Variants in SNX31 observed in about 807,000 individuals in gnomAD.
SNX31 encodes the protein sorting nexin-31.
A neutral mutation model predicts 65.4 loss-of-function variants in SNX31; 58 were observed. That is an observed-to-expected ratio of 0.89 (90% CI 0.72 to 1.10). The LOEUF is 1.10. Among genes scored for constraint, SNX31 ranks in the 50% least tolerant of loss-of-function variants. The pLI is 0.00. For missense variants in SNX31, 523 were observed against 529.7 expected (o/e 0.99, Z 0.12); for synonymous variants, 181 against 190.1 (o/e 0.95, Z 0.39).
rs923272738 is a variant in SNX31, at chr8:100,657,637, G to A, written c.-58+5505C>T. 1.3e-5 allele frequency: 6 copies of A among 455,914 alleles called. No individual in the cohort carries two copies. In the East Asian group the frequency reaches 3.5e-4, roughly 26 times the overall value. 28.2% of individuals were successfully genotyped at this position (455,914 alleles called of 1,614,324 possible). On this transcript the variant is annotated intron_variant, in intron 1 of 5. Coordinates refer to the SNX31 transcript ENST00000520352. The stretch of plus-strand genomic sequence containing the variant: ...GTGTGGGAAGGAGGTCCAGCTGGAG[G>A]GCTTGGGAGCCAGTCTGAAGTGGAG...
At chr8:100,595,418 C>A (rs997468387) in intron 10 of SNX31, among the ~76,000 whole-genome samples, 2 of 151,738 alleles carry the variant, frequency 1.3e-5, no homozygotes, top group African/African-American at 2.4e-5. Flanking sequence ...AAGAGATCCT[C>A]CCACCTCAGC....
At chr8:100,600,714 T>C (rs1815546372) in intron 8 of SNX31, among the ~76,000 whole-genome samples, 1 of 152,174 alleles carries the variant, frequency 6.6e-6, no homozygotes, top group Non-Finnish European at 1.5e-5. Flanking sequence ...TTTAAATGTA[T>C]AAGACCATAA....
intron 2 of SNX31, among the ~76,000 whole-genome samples, chr8:100,641,597 C>CATATATAT (rs1184821257): frequency 0.029 from 449 of 15,740 alleles, 3 homozygotes; most frequent in Non-Finnish European, 0.036. Flanking sequence ...TATATATATA[C>CATATATAT]ACATACACAC....
Position 100,574,467 on chromosome 8 carries a change from A to G in SNX31, c.1228-507T>C, listed in dbSNP as rs77746959. On this transcript the variant is annotated intron_variant, in intron 13 of 13. Coordinates refer to ENST00000311812, the MANE Select transcript of SNX31 (RefSeq NM_152628.4). ...GCCAACGTGGTGAAACCCCATCTCT[A>G]ATAAAATACAAAAAAATTAGCTAGG... 6.7e-4 allele frequency among the ~76,000 whole-genome samples: 102 copies of G among 152,210 alleles called. 1 individual carries two copies. The East Asian group carries it at 0.019, about 28-fold the overall frequency.
intron 2 of SNX31, among the ~76,000 whole-genome samples, chr8:100,643,115 TGGG>T (rs35943187): frequency 6.6e-6 from 1 of 151,508 alleles, no homozygotes; most frequent in African/African-American, 2.4e-5. Context: ...CACTTGAACT[TGGG>T]GGGGGTGGAG....
chr8:100,611,474 A>G (rs959222801), intron 7 of SNX31, among the ~76,000 whole-genome samples: 1 of 152,106 alleles, frequency 6.6e-6, no homozygotes, highest in Non-Finnish European at 1.5e-5. Context: ...TTTACCTGAG[A>G]CTACTGATAG....
chr8:100,655,067 C>T (rs181340930), intron 1 of SNX31, among the ~76,000 whole-genome samples: 474 of 152,152 alleles, frequency 3.1e-3, no homozygotes, highest in African/African-American at 0.011. Context: ...TTACAACAAC[C>T]TTACTGCCTA....
intron 2 of SNX31, among the ~76,000 whole-genome samples, chr8:100,641,640 ATATATATATATATATATATG>A (rs1334811327): frequency 0.35 from 37,440 of 105,938 alleles, 8,231 homozygotes; most frequent in East Asian, 0.46. Context: ...ATATATATAT[ATATATATATATATATATATG>A]TATGGTACTT....
At chr8:100,632,813 T>A (rs189252233) in intron 3 of SNX31, among the ~76,000 whole-genome samples, 424 of 152,076 alleles carry the variant, frequency 2.8e-3, no homozygotes, top group African/African-American at 9.8e-3. Flanking sequence ...CTCAGGTTGG[T>A]CTCAAATTCC....
At chr8:100,589,061 C>T (rs1170120122) in intron 10 of SNX31, 82 bp from the exon 11 acceptor site, 3 of 1,061,118 alleles carry the variant, frequency 2.8e-6, no homozygotes, top group Middle Eastern at 2.3e-4. Flanking sequence ...ACCTGAAATC[C>T]CAGCTGAGGC....
intron 2 of SNX31, among the ~76,000 whole-genome samples, chr8:100,644,386 C>T (rs1015253633): frequency 3.3e-5 from 5 of 152,194 alleles, no homozygotes; most frequent in African/African-American, 9.7e-5. Context: ...AAATGTTTCC[C>T]TCACAGATTT....
chr8:100,634,158 T>C (rs533683358), intron 3 of SNX31, among the ~76,000 whole-genome samples: 10 of 152,324 alleles, frequency 6.6e-5, no homozygotes, highest in East Asian at 1.9e-4. Flanking sequence ...GACAGCCTAA[T>C]CTTGCCAACA....
At chr8:100,642,058 G>A (rs1404910512) in intron 2 of SNX31, among the ~76,000 whole-genome samples, 1 of 146,280 alleles carries the variant, frequency 6.8e-6, no homozygotes, top group Non-Finnish European at 1.5e-5. Flanking sequence ...CAGCCTGGGC[G>A]ACAGAGCGAG....
chr8:100,633,614 G>A (rs1358456509), intron 3 of SNX31, among the ~76,000 whole-genome samples: 2 of 151,568 alleles, frequency 1.3e-5, no homozygotes, highest in Non-Finnish European at 2.9e-5. Flanking sequence ...CATGTAGGCC[G>A]GGCTGGTCTT....
intron 12 of SNX31, among the ~76,000 whole-genome samples, chr8:100,580,479 TGCA>T (rs1813398679): frequency 6.6e-6 from 1 of 152,184 alleles, no homozygotes; most frequent in Non-Finnish European, 1.5e-5. Flanking sequence ...CAGACTCCCT[TGCA>T]GCTAGGTGTG....
At position 100,577,061 on chromosome 8, in the gene SNX31, C is replaced by T. The variant is rs149337394; in HGVS notation, c.1185G>A (p.Pro395=). 138 of 1,613,622 alleles carry T rather than the reference C, an allele frequency of 8.6e-5. No homozygotes were observed. The African/African-American group carries it at 1.1e-3, about 13-fold the overall frequency. Residue 395 remains proline (P), a synonymous_variant, in exon 13 of 14, where the codon CCG becomes CCA. Transcript: ENST00000311812. ...AENTEMQIEV[P]EQSKSKKYHI... The stretch of plus-strand genomic sequence containing the variant: ...GGTATTTTTTACTTTTGCTTTGTTC[C>T]GGAACTTCAATCTGCTAGATAGATT...
At chr8:100,617,284 G>C (rs78609410) in intron 5 of SNX31, among the ~76,000 whole-genome samples, 2,599 of 152,246 alleles carry the variant, frequency 0.017, 84 homozygotes, top group African/African-American at 0.058. Flanking sequence ...TTTCCTTCCT[G>C]CTCCCAACGA....
chr8:100,607,276 T>C (rs79844006), intron 8 of SNX31, among the ~76,000 whole-genome samples: 44 of 152,252 alleles, frequency 2.9e-4, no homozygotes, highest in Middle Eastern at 3.4e-3. Flanking sequence ...GAGCCAAGCC[T>C]GGAAAAGATC....
Position 100,619,632 on chromosome 8 carries a change from G to T in SNX31, c.322-1902C>A, listed in dbSNP as rs116719361. Among the ~76,000 whole-genome samples the T allele has an allele frequency of 8.3e-3, 1,261 of 152,346 alleles. 23 individuals carry two copies. The highest frequency in any genetic ancestry group is 0.029 in the African/African-American group (1,192 of 41,580). On this transcript the variant is annotated intron_variant, in intron 4 of 13. Coordinates refer to ENST00000311812, the MANE Select transcript of SNX31 (RefSeq NM_152628.4). The stretch of plus-strand genomic sequence containing the variant: ...GGCTGCCCACATGGGGCCTTGCAGG[G>T]CAGCGATCTGGGGGTGGATTGTTCC...
Sources: allele counts gnomAD v4.1 joint callset (sites outside exome capture counted in the v4.1 genomes callset), GRCh38; gene constraint gnomAD v4.1.1; transcripts MANE v1.5; gene names NCBI Gene and HGNC (gene_info 2026-07-23, HGNC 2026-07-21).